The following CCNG1 variants were observed in gnomAD, a reference collection of about 807,000 sequenced individuals.
CCNG1 encodes cyclin G1.
Under a neutral mutation model 30.0 loss-of-function variants are expected in CCNG1, and 13 were observed. The observed-to-expected ratio is 0.43, with a 90% CI of 0.28 to 0.69. The LOEUF (loss-of-function observed/expected upper bound fraction) is 0.69, where lower values mean the gene tolerates loss of function less well. CCNG1 is among the 30% of genes least tolerant of loss of function. The pLI is 0.16. For missense variants in CCNG1, 285 were observed against 331.4 expected, an observed-to-expected ratio of 0.86 and a Z score of 1.09; for synonymous variants, 110 against 121.5, an observed-to-expected ratio of 0.91 and a Z score of 0.62.
Position 163,439,305 on chromosome 5 carries a change from C to A in CCNG1, c.49C>A (p.Leu17Met). The A allele has an allele frequency of 6.2e-7, 1 of 1,613,914 alleles. No homozygotes were observed. Among genetic ancestry groups the A allele is most frequent in the Non-Finnish European group, 8.5e-7 (1 of 1,179,928 alleles). ...TTDSQKLLHQ[L>M]NALLEQESRC... ...TGACTCTCAGAAACTGCTACACCAG[C>A]TGAATGCCCTGTTGGAACAGGAGTC... Residue 17 changes from leucine to methionine, a missense_variant, in exon 2 of 7, where the codon CTG becomes ATG. Physicochemically the swap from Leu to Met is conservative, Grantham distance 15. Transcript: ENST00000340828.
At chr5:163,448,414 A>G (rs1758097366), downstream of CCNG1, 1 of 152,158 alleles carries the variant, frequency 6.6e-6, no homozygotes, top group East Asian at 1.9e-4. Flanking sequence ...AGAAAATACC[A>G]TGAACAACTC....
the CCNG1 span, chr5:163,453,963 G>T: frequency 6.7e-7 from 1 of 1,496,920 alleles, no homozygotes; most frequent in Non-Finnish European, 9.0e-7. Flanking sequence ...AGGAAAAAAA[G>T]CAGTTATTTC....
the CCNG1 span, among the ~76,000 whole-genome samples, chr5:163,456,521 C>T: frequency 1.3e-5 from 2 of 152,032 alleles, no homozygotes; most frequent in East Asian, 3.9e-4. Flanking sequence ...TGTGATCCTC[C>T]ATTTATGCTA....
chr5:163,439,600 A>C, intron 2 of CCNG1, 80 bp downstream of exon 2: 1 of 1,293,410 alleles, frequency 7.7e-7, no homozygotes, highest in South Asian at 1.4e-5. Flanking sequence ...TGGTATTCAT[A>C]AACTTGACCT....
At chr5:163,457,178 C>G in the CCNG1 span, 1 of 1,273,024 alleles carries the variant, frequency 7.9e-7, no homozygotes, top group African/African-American at 1.5e-5. Context: ...CTCACCCAGG[C>G]TGGAGTGCAG....
chr5:163,443,772 A>G lies in CCNG1; in HGVS notation c.*102A>G. 7.6e-7 allele frequency: 1 copy of G among 1,309,642 alleles called. No individual in the cohort carries two copies. The highest frequency in any genetic ancestry group is 1.3e-5 in the South Asian group (1 of 76,922). The allele number at this position is 1,309,642 out of a possible 1,614,324, so 81.1% of individuals were successfully genotyped here. A position where few individuals can be genotyped will look rare whatever the true frequency, so the allele number is the denominator to read the frequency against. On this transcript the variant is annotated 3_prime_UTR_variant, in exon 7 of 7. Transcript: ENST00000340828. ...AATGGATTTAAGCTATGAAGCCTCA[A>G]AACATCACGAGATAAGCATGATGGT... is the stretch of plus-strand genomic sequence containing the variant.
At chr5:163,442,189 A>G in intron 5 of CCNG1, 46 bp downstream of exon 5, 1 of 1,307,014 alleles carries the variant, frequency 7.7e-7, no homozygotes, top group Non-Finnish European at 1.1e-6. Context: ...CTGTAAAAGA[A>G]ACTAAACCCC....
In CCNG1 at chr5:163,437,672, C is replaced by G. The variant is rs1757550560; in HGVS notation, c.-133C>G. The stretch of plus-strand genomic sequence containing the variant: ...GCCGAGGCCTCCACCCAGGACAGTC[C>G]CCCTCCCCGGGCCTCTCTCCTCTTG... On this transcript the variant is annotated 5_prime_UTR_variant, in exon 1 of 7. Coordinates refer to ENST00000340828, the MANE Select transcript of CCNG1 (RefSeq NM_004060.4). 1 of 152,316 alleles carries G rather than the reference C, an allele frequency of 6.6e-6. No individual in the cohort carries two copies. The highest frequency in any genetic ancestry group is 2.4e-5 in the African/African-American group (1 of 41,452). 9.4% of individuals were successfully genotyped at this position (152,316 alleles called of 1,614,324 possible). A position where few individuals can be genotyped will look rare whatever the true frequency, so the allele number is the denominator to read the frequency against.
In CCNG1 at chr5:163,441,129, G is replaced by A. The variant is rs1347988168; in HGVS notation, c.316G>A (p.Val106Ile). The A allele has an allele frequency of 1.9e-6, 3 of 1,613,898 alleles. No homozygotes were observed. Among genetic ancestry groups the A allele is most frequent in the East Asian group, 2.2e-5 (1 of 44,868 alleles). Residue 106 changes from valine to isoleucine, a missense_variant, in exon 3 of 7, where the codon GTA (valine) becomes ATA (isoleucine). Coordinates refer to ENST00000340828, the MANE Select transcript of CCNG1 (RefSeq NM_004060.4). ...TGGACTGAGCTGCTTTTATTTGGCT[G>A]TAAAATCAATAGAAGAGGAAAGGAA... The part of the protein sequence containing the change: ...CVGLSCFYLA[V>I]KSIEEERNVP...
At chr5:163,454,038 CA>C in the CCNG1 span, 1 of 1,544,502 alleles carries the variant, frequency 6.5e-7, no homozygotes, top group Non-Finnish European at 8.8e-7. Flanking sequence ...CCACTGAAGT[CA>C]AAACCAGGAT....
At chr5:163,443,285 C>CT (rs1757918087) in intron 6 of CCNG1, among the ~76,000 whole-genome samples, 1 of 147,412 alleles carries the variant, frequency 6.8e-6, no homozygotes, top group African/African-American at 2.5e-5. Flanking sequence ...ACACTCCAGC[C>CT]TGGGCGACAG....
chr5:163,454,584 G>A, the CCNG1 span, among the ~76,000 whole-genome samples: 4 of 152,120 alleles, frequency 2.6e-5, no homozygotes, highest in Non-Finnish European at 5.9e-5. Context: ...CCGGTGATCC[G>A]CCTGCCTCAG....
downstream of CCNG1, chr5:163,448,962 G>A (rs1007585337): frequency 6.6e-6 from 1 of 152,146 alleles, no homozygotes; most frequent in Non-Finnish European, 1.5e-5. Flanking sequence ...ACATGACAAA[G>A]GGAATTTAAG....
downstream of CCNG1, among the ~76,000 whole-genome samples, chr5:163,445,515 G>A (rs188236460): frequency 8.5e-5 from 13 of 152,064 alleles, no homozygotes; most frequent in East Asian, 1.2e-3. Flanking sequence ...GTGCAGTGGC[G>A]CGATCTTGGC....
At chr5:163,452,463 ATGTACAATAATTT>A in the CCNG1 span, 1 of 152,198 alleles carries the variant, frequency 6.6e-6, no homozygotes, top group South Asian at 2.1e-4. Flanking sequence ...TACCAGCCAA[ATGTACAATAATTT>A]TGAGCACCAA....
intron 3 of CCNG1, 144 bp from the exon 4 acceptor site, chr5:163,441,742 A>C: frequency 1.7e-6 from 1 of 605,792 alleles, no homozygotes; most frequent in Non-Finnish European, 2.9e-6. Context: ...CTCTGATGGA[A>C]GGGGAATTCC....
At chr5:163,445,524 G>A (rs1758019354), downstream of CCNG1, among the ~76,000 whole-genome samples, 1 of 152,020 alleles carries the variant, frequency 6.6e-6, no homozygotes, top group East Asian at 1.9e-4. Flanking sequence ...CGCGATCTTG[G>A]CTCATTGCAG....
the CCNG1 span, chr5:163,454,059 T>A: frequency 2.8e-6 from 4 of 1,449,660 alleles, no homozygotes; most frequent in Admixed American, 7.8e-5. Flanking sequence ...TTCTAAAAGA[T>A]ACAAACATAT....
In CCNG1 at chr5:163,443,681, A is replaced by G; in HGVS notation, c.*11A>G. 1 of 1,517,712 alleles carries G rather than the reference A, an allele frequency of 6.6e-7. No individual in the cohort carries two copies. Among genetic ancestry groups the G allele is most frequent in the South Asian group, 1.2e-5 (1 of 83,672 alleles). The allele number at this position is 1,517,712 out of a possible 1,614,324, so 94.0% of individuals were successfully genotyped here. A position where few individuals can be genotyped will look rare whatever the true frequency, so the allele number is the denominator to read the frequency against. On this transcript the variant is annotated 3_prime_UTR_variant, in exon 7 of 7. Coordinates refer to ENST00000340828, the MANE Select transcript of CCNG1 (RefSeq NM_004060.4). ...TTTTCTTTATTTAAATAGGATTATTACAGCACCAAAAAACTTCTCTGAAGC... is the reference window on the plus strand; with the variant it reads ...TTTTCTTTATTTAAATAGGATTATTGCAGCACCAAAAAACTTCTCTGAAGC...
Sources: allele counts gnomAD v4.1 joint callset (sites outside exome capture counted in the v4.1 genomes callset), GRCh38; gene constraint gnomAD v4.1.1; transcripts MANE v1.5; gene names NCBI Gene and HGNC (gene_info 2026-07-23, HGNC 2026-07-21).